The following SPTLC1 variants were observed in gnomAD, a reference collection of about 807,000 sequenced individuals.
The protein encoded by SPTLC1 is serine palmitoyltransferase 1.
In SPTLC1, 55 loss-of-function variants were observed where a neutral mutation model predicts 68.9. The ratio of observed to expected loss-of-function variants is 0.80; its 90% CI spans 0.64 to 1.00. The LOEUF is 1.00. SPTLC1 is among the 50% of genes least tolerant of loss of function. The pLI is 0.00. For missense variants in SPTLC1, 449 were observed against 573.1 expected (o/e 0.78, Z 2.21); for synonymous variants, 197 against 201.6 (o/e 0.98, Z 0.19).
rs1587953587 is a variant in SPTLC1 at position 92,080,046 on chromosome 9, A to G, written c.397T>C (p.Cys133Arg). 2 of 1,614,104 alleles carry G rather than the reference A, an allele frequency of 1.2e-6. No individual in the cohort carries two copies. Among genetic ancestry groups the G allele is most frequent in the Non-Finnish European group, 1.7e-6 (2 of 1,179,968 alleles). The change falls in exon 5 of 15, where the codon TGT becomes CGT. Residue 133 changes from cysteine to arginine, a missense_variant. Cys to Arg is a radical substitution (Grantham distance 180). This residue lies in a region of SPTLC1 where 391 missense variants were observed against 472.1 expected (regional missense o/e 0.83). Transcript: ENST00000262554. ...ASLKKYGVGT[C>R]GPRGFYGTFD... The stretch of plus-strand genomic sequence containing the variant: ...GTGCCATAAAATCCTCTGGGTCCAC[A>G]AGTCCCCACGCCATACTTCTTTAGA...
chr9:92,085,276 TCTG>T (rs1835074272), intron 3 of SPTLC1, among the ~76,000 whole-genome samples: 1 of 146,612 alleles, frequency 6.8e-6, no homozygotes, highest in Non-Finnish European at 1.5e-5. Context: ...TTTCTTGCCT[TCTG>T]CTAGCTTTTG....
rs984411804 is a variant in SPTLC1, at chr9:92,079,053, G to C, written c.427+963C>G. On this transcript the variant is annotated intron_variant, in intron 5 of 14. Coordinates refer to ENST00000262554, the MANE Select transcript of SPTLC1 (RefSeq NM_006415.4). The stretch of plus-strand genomic sequence containing the variant: ...TTTATAAGCCAAAATGCTATTTCCA[G>C]CAATAAATTCATTTAAACAATTTTA... The C allele has an allele frequency of 5.2e-6, 5 of 956,700 alleles. No individual in the cohort carries two copies. In the African/African-American group the frequency reaches 8.8e-5, roughly 17 times the overall value. The allele number at this position is 956,700 out of a possible 1,614,324, so 59.3% of individuals were successfully genotyped here.
intron 13 of SPTLC1, among the ~76,000 whole-genome samples, chr9:92,036,317 G>T (rs953859427): frequency 3.9e-5 from 6 of 152,112 alleles, no homozygotes; most frequent in Middle Eastern, 3.2e-3. Flanking sequence ...CTTTCATTAC[G>T]TGGCTAATTC....
chr9:92,032,265 C>A lies in SPTLC1; in HGVS notation c.*200G>T, dbSNP rs1057515689. The A allele has an allele frequency of 5.2e-6, 8 of 1,529,066 alleles. No homozygotes were observed. The highest frequency in any genetic ancestry group is 7.0e-6 in the Non-Finnish European group (8 of 1,143,660). 94.7% of individuals were successfully genotyped at this position (1,529,066 alleles called of 1,614,324 possible). On this transcript the variant is annotated 3_prime_UTR_variant, in exon 15 of 15. Coordinates refer to ENST00000262554, the MANE Select transcript of SPTLC1 (RefSeq NM_006415.4). ...CCTCTTAAAAAAATCAGTTCCTGGG[C>A]TTTTAGATGTGTTTTCTTTTTAAAA...
intron 12 of SPTLC1, among the ~76,000 whole-genome samples, chr9:92,044,342 G>A (rs547917883): frequency 4.6e-5 from 7 of 152,344 alleles, no homozygotes; most frequent in African/African-American, 9.6e-5. Context: ...AAATCCAGGC[G>A]TGCAGTGTAG....
chr9:92,033,021 C>T (rs910649912), intron 14 of SPTLC1, among the ~76,000 whole-genome samples: 32 of 152,218 alleles, frequency 2.1e-4, no homozygotes, highest in Non-Finnish European at 1.0e-4. Context: ...GGCAGTCCTC[C>T]CAATAGGCCT....
chr9:92,044,529 C>T (rs1443531300), intron 12 of SPTLC1, among the ~76,000 whole-genome samples: 4 of 152,076 alleles, frequency 2.6e-5, no homozygotes, highest in Non-Finnish European at 4.4e-5. Flanking sequence ...TAAGTGAAGA[C>T]GTGGAGATGA....
intron 3 of SPTLC1, among the ~76,000 whole-genome samples, chr9:92,098,926 T>C (rs2118777476): frequency 6.6e-6 from 1 of 152,276 alleles, no homozygotes; most frequent in South Asian, 2.1e-4. Flanking sequence ...ATAACTAACG[T>C]GTGAACATTC....
chr9:92,068,125 T>A (rs374195116), intron 5 of SPTLC1, 27 bp from the exon 6 acceptor site: 27 of 1,603,490 alleles, frequency 1.7e-5, no homozygotes, highest in Non-Finnish European at 2.1e-5. Flanking sequence ...AGTTAAATGG[T>A]TAAACTGCCT....
intron 3 of SPTLC1, chr9:92,108,318 T>G: frequency 5.5e-6 from 1 of 182,750 alleles, no homozygotes; most frequent in Non-Finnish European, 1.2e-5. Flanking sequence ...ATAATTCATA[T>G]TGTGGGGATC....
At chr9:92,087,316 T>A (rs190146150) in intron 3 of SPTLC1, among the ~76,000 whole-genome samples, 8 of 152,170 alleles carry the variant, frequency 5.3e-5, no homozygotes, top group Admixed American at 2.0e-4. Context: ...GAGGAGAGGC[T>A]CTCTGCTTTT....
intron 2 of SPTLC1, 156 bp from the exon 3 acceptor site, chr9:92,108,990 C>T (rs903024919): frequency 5.2e-6 from 6 of 1,154,054 alleles, no homozygotes; most frequent in South Asian, 4.5e-5. Context: ...ACTATTAGTA[C>T]GTCTTTGTTC....
At chr9:92,050,297 T>G (rs1250195594) in intron 8 of SPTLC1, 7 of 474,084 alleles carry the variant, frequency 1.5e-5, no homozygotes, top group Non-Finnish European at 2.7e-5. Context: ...TTGAATTACC[T>G]GACACGTGTT....
chr9:92,098,916 A>G (rs912824294), intron 3 of SPTLC1, among the ~76,000 whole-genome samples: 2 of 151,942 alleles, frequency 1.3e-5, no homozygotes, highest in Non-Finnish European at 2.9e-5. Context: ...AATCTAATAG[A>G]TAACTAACGT....
intron 2 of SPTLC1, chr9:92,109,476 A>G (rs1383508074): frequency 2.0e-5 from 3 of 152,974 alleles, no homozygotes; most frequent in Non-Finnish European, 4.4e-5. Context: ...AAGGTAACCA[A>G]AAACAAACAA....
intron 12 of SPTLC1, among the ~76,000 whole-genome samples, chr9:92,041,415 T>C (rs939235537): frequency 6.6e-6 from 1 of 152,028 alleles, no homozygotes; most frequent in Non-Finnish European, 1.5e-5. Flanking sequence ...AAACACACTA[T>C]GATGAAAACA....
intron 3 of SPTLC1, chr9:92,108,417 A>G (rs1836085435): frequency 3.0e-6 from 1 of 335,570 alleles, no homozygotes; most frequent in Non-Finnish European, 5.8e-6. Context: ...CGTGCGACAA[A>G]TTTAAAATCA....
At chr9:92,056,957 CT>C (rs1298029969) in intron 7 of SPTLC1, among the ~76,000 whole-genome samples, 1 of 152,148 alleles carries the variant, frequency 6.6e-6, no homozygotes, top group Non-Finnish European at 1.5e-5. Context: ...CTACCTCTGC[CT>C]GTCTTTAAGG....
intron 5 of SPTLC1, among the ~76,000 whole-genome samples, chr9:92,078,206 G>A (rs190475249): frequency 7.4e-4 from 113 of 152,092 alleles, no homozygotes; most frequent in Non-Finnish European, 4.1e-4. Context: ...GCTCTCCTCC[G>A]TACCTACCTA....
Sources: gnomAD v4.1 joint callset for allele counts (sites outside exome capture counted in the v4.1 genomes callset) on GRCh38, gnomAD v4.1.1 for gene constraint, gnomAD v4.1.1 regional missense constraint, MANE v1.5 for transcripts, NCBI Gene and HGNC (gene_info 2026-07-23, HGNC 2026-07-21) for gene names.